Variants in EMC8 observed in about 807,000 individuals in gnomAD.
EMC8 encodes the protein ER membrane protein complex subunit 8.
Under a neutral mutation model 24.3 loss-of-function variants are expected in EMC8, and 11 were observed. The observed-to-expected ratio is 0.45, with a 90% CI of 0.28 to 0.75. The LOEUF is 0.75. Among genes scored for constraint, EMC8 ranks in the 30% least tolerant of loss-of-function variants. The pLI, the probability that EMC8 is intolerant of heterozygous loss-of-function variation, is 0.12. For missense variants in EMC8, 277 were observed against 282.7 expected (o/e 0.98, Z 0.14); for synonymous variants, 145 against 117.7 (o/e 1.23, Z -1.50).
rs1265237743 is a variant in EMC8, at chr16:85,799,301, C to T, written c.-6G>A. On this transcript the variant is annotated 5_prime_UTR_variant, in exon 1 of 5. Coordinates refer to ENST00000253457, the MANE Select transcript of EMC8 (RefSeq NM_006067.5). The surrounding 1 kb of genome is among the most constrained non-coding windows in gnomAD (Gnocchi z 4.2). ...GTCAGTTTCACCCCGGGCATGCTGA[C>T]CCGGGAGGGCCCCGGAGGCCCCTGG... The T allele has an allele frequency of 1.3e-6, 2 of 1,585,402 alleles. No homozygotes were observed. The highest frequency in any genetic ancestry group is 1.7e-6 in the Non-Finnish European group (2 of 1,167,950).
rs548773774 is a variant in EMC8 at position 85,779,463 on chromosome 16, G to T, written c.*245C>A. Reference sequence around the variant, plus strand: ...AAGCAGAAAGAGCTTTGATTTGGAGGATTATAGCAACATACAACTGAGAGA... The same window carrying T: ...AAGCAGAAAGAGCTTTGATTTGGAGTATTATAGCAACATACAACTGAGAGA... On this transcript the variant is annotated 3_prime_UTR_variant, in exon 5 of 5. Coordinates refer to ENST00000253457, the MANE Select transcript of EMC8 (RefSeq NM_006067.5). 31 of 413,290 alleles carry T rather than the reference G, an allele frequency of 7.5e-5. No homozygotes were observed. The South Asian group carries it at 1.0e-3, about 13-fold the overall frequency. 25.6% of individuals were successfully genotyped at this position (413,290 alleles called of 1,614,324 possible).
In EMC8 at chr16:85,792,252, A is replaced by G. The variant is rs145916492; in HGVS notation, c.232-3202T>C. On this transcript the variant is annotated intron_variant, in intron 1 of 4. Coordinates refer to ENST00000253457, the MANE Select transcript of EMC8 (RefSeq NM_006067.5). ...GCCTGCTGAGGGACAAATTCCTGTAAGAAAACTCCAAGGGCCCAACCAAAT... is the reference window on the plus strand; with the variant it reads ...GCCTGCTGAGGGACAAATTCCTGTAGGAAAACTCCAAGGGCCCAACCAAAT... 5.9e-4 allele frequency among the ~76,000 whole-genome samples: 90 copies of G among 152,354 alleles called. No individual in the cohort carries two copies. The East Asian group carries it at 0.017, about 28-fold the overall frequency.
At chr16:85,785,494 C>T (rs1430880210) in intron 2 of EMC8, among the ~76,000 whole-genome samples, 1 of 152,082 alleles carries the variant, frequency 6.6e-6, no homozygotes, top group Non-Finnish European at 1.5e-5. Flanking sequence ...ACTTTGAACC[C>T]AGGAGGTGGA....
intron 1 of EMC8, among the ~76,000 whole-genome samples, chr16:85,790,662 G>A (rs1236157471): frequency 6.6e-6 from 1 of 152,068 alleles, no homozygotes; most frequent in African/African-American, 2.4e-5. Flanking sequence ...TGCCATCATG[G>A]GCCGGCCTCC....
rs777251353 is a variant in EMC8 at position 85,790,150 on chromosome 16, AT to A, written c.232-1101del. Reference sequence around the variant, plus strand: ...AAGAGGAAACAAAATTGGTACCTTGATTTTTTTTTTTTTGTAGGGAATAAAC... The same window carrying A: ...AAGAGGAAACAAAATTGGTACCTTGATTTTTTTTTTTTGTAGGGAATAAAC... On this transcript the variant is annotated intron_variant, in intron 1 of 4. Coordinates refer to ENST00000253457, the MANE Select transcript of EMC8 (RefSeq NM_006067.5). 1.4e-3 allele frequency among the ~76,000 whole-genome samples: 200 copies of A among 140,730 alleles called. 2 individuals carry two copies. Among genetic ancestry groups the A allele is most frequent in the Middle Eastern group, 7.1e-3 (2 of 280 alleles). 92.3% of individuals were successfully genotyped at this position (140,730 alleles called of 152,430 possible). A position where few individuals can be genotyped will look rare whatever the true frequency, so the allele number is the denominator to read the frequency against.
In EMC8 at chr16:85,779,569, C is replaced by T. The variant is rs188950055; in HGVS notation, c.*139G>A. On this transcript the variant is annotated 3_prime_UTR_variant, in exon 5 of 5. Coordinates refer to ENST00000253457, the MANE Select transcript of EMC8 (RefSeq NM_006067.5). ...AAAACACGACCGACTGAACATTCTG[C>T]CCCCTTTCAAGGCACATGCCACTTC... 3,704 of 813,718 alleles carry T rather than the reference C, an allele frequency of 4.6e-3. 20 individuals are homozygous for T. The highest frequency in any genetic ancestry group is 5.8e-3 in the Non-Finnish European group (2,909 of 505,148). 50.4% of individuals were successfully genotyped at this position (813,718 alleles called of 1,614,324 possible).
chr16:85,779,597 A>T lies in EMC8; in HGVS notation c.*111T>A. Reference sequence around the variant, plus strand: ...CCTTTCAAGGCACATGCCACTTCTTAAAACGGTCAGCTTTCCACACAGGCT... The same window carrying T: ...CCTTTCAAGGCACATGCCACTTCTTTAAACGGTCAGCTTTCCACACAGGCT... On this transcript the variant is annotated 3_prime_UTR_variant, in exon 5 of 5. Transcript: ENST00000253457. 1 of 1,178,422 alleles carries T rather than the reference A, an allele frequency of 8.5e-7. No individual in the cohort carries two copies. Among genetic ancestry groups the T allele is most frequent in the Non-Finnish European group, 1.2e-6 (1 of 815,898 alleles). 73.0% of individuals were successfully genotyped at this position (1,178,422 alleles called of 1,614,324 possible).
rs527736956 is a variant in EMC8, at chr16:85,789,787, C to T, written c.232-737G>A. 1.2e-4 allele frequency among the ~76,000 whole-genome samples: 18 copies of T among 150,186 alleles called. No homozygotes were observed. In the East Asian group the frequency reaches 2.9e-3, roughly 24 times the overall value. ...AGCCTGGGTGACAAGAGTGAAACTC[C>T]GTCTCCGTCTCAAAAAAAAAAAAAA... is the stretch of plus-strand genomic sequence containing the variant. On this transcript the variant is annotated intron_variant, in intron 1 of 4. Coordinates refer to ENST00000253457, the MANE Select transcript of EMC8 (RefSeq NM_006067.5).
intron 1 of EMC8, chr16:85,798,619 C>T (rs1905394087): frequency 6.1e-6 from 1 of 163,000 alleles, no homozygotes; most frequent in African/African-American, 2.4e-5. Flanking sequence ...CGAGTACCGA[C>T]AGCCAAAGAA....
chr16:85,791,864 T>A (rs2152075663), intron 1 of EMC8, among the ~76,000 whole-genome samples: 1 of 152,292 alleles, frequency 6.6e-6, no homozygotes, highest in East Asian at 1.9e-4. Context: ...TCCAGGATAT[T>A]CTCTCCACCC....
At chr16:85,796,143 C>G (rs1354467669) in intron 1 of EMC8, among the ~76,000 whole-genome samples, 1 of 152,128 alleles carries the variant, frequency 6.6e-6, no homozygotes, top group Non-Finnish European at 1.5e-5. Context: ...CATTCTTCAC[C>G]TTTCAACCTA....
intron 2 of EMC8, chr16:85,787,520 G>T (rs1300964384): frequency 6.6e-6 from 1 of 152,312 alleles, no homozygotes; most frequent in African/African-American, 2.4e-5. Flanking sequence ...TAAGATGGAT[G>T]TGGCCCCGTG....
At chr16:85,797,704 T>C (rs1168920286) in intron 1 of EMC8, among the ~76,000 whole-genome samples, 1 of 152,328 alleles carries the variant, frequency 6.6e-6, no homozygotes, top group East Asian at 1.9e-4. Context: ...AATGGTAGAT[T>C]ATGAAATGGC....
intron 2 of EMC8, among the ~76,000 whole-genome samples, chr16:85,785,559 G>T (rs1904716195): frequency 6.6e-6 from 1 of 152,054 alleles, no homozygotes; most frequent in African/African-American, 2.4e-5. Context: ...GACAGAGTGA[G>T]ACTCTGTCTG....
intron 2 of EMC8, among the ~76,000 whole-genome samples, chr16:85,785,224 G>C (rs982360144): frequency 3.9e-5 from 6 of 152,240 alleles, no homozygotes; most frequent in Admixed American, 2.0e-4. Flanking sequence ...TGGGATTACA[G>C]GTGTGATCCA....
chr16:85,789,467 G>A (rs955837042), intron 1 of EMC8, among the ~76,000 whole-genome samples: 1 of 152,142 alleles, frequency 6.6e-6, no homozygotes, highest in African/African-American at 2.4e-5. Context: ...GATAGAAACA[G>A]AGCCAGAAGG....
Position 85,778,943 on chromosome 16 carries a change from T to C in EMC8, c.*765A>G, listed in dbSNP as rs1904365575. The C allele has an allele frequency of 6.6e-6, 1 of 152,236 alleles. No homozygotes were observed. The highest frequency in any genetic ancestry group is 1.5e-5 in the Non-Finnish European group (1 of 68,042). 9.4% of individuals were successfully genotyped at this position (152,236 alleles called of 1,614,324 possible). On this transcript the variant is annotated 3_prime_UTR_variant, in exon 5 of 5. Coordinates refer to ENST00000253457, the MANE Select transcript of EMC8 (RefSeq NM_006067.5). ...GTCACTCTGCACAACTCGGGAAGTCTAAGTCTTGTTTTTCCTAATACAAAA... is the reference window on the plus strand; with the variant it reads ...GTCACTCTGCACAACTCGGGAAGTCCAAGTCTTGTTTTTCCTAATACAAAA...
intron 1 of EMC8, 129 bp from the exon 2 acceptor site, chr16:85,789,179 C>T: frequency 1.4e-6 from 1 of 698,550 alleles, no homozygotes; most frequent in Non-Finnish European, 2.6e-6. Flanking sequence ...ATACCCTACA[C>T]CCCAGAAGAA....
intron 2 of EMC8, among the ~76,000 whole-genome samples, chr16:85,782,331 C>A (rs578241669): frequency 2.0e-5 from 3 of 152,222 alleles, no homozygotes; most frequent in Non-Finnish European, 4.4e-5. Flanking sequence ...TGCCGCCACC[C>A]AACCCTGATA....
Sources: allele counts gnomAD v4.1 joint callset (sites outside exome capture counted in the v4.1 genomes callset), GRCh38; gene constraint gnomAD v4.1.1; non-coding constraint Gnocchi (gnomAD v3.1); transcripts MANE v1.5; gene names NCBI Gene and HGNC (gene_info 2026-07-23, HGNC 2026-07-21).